The following ASPRV1 variants were observed in gnomAD, a reference collection of about 807,000 sequenced individuals.
ASPRV1 encodes retroviral-like aspartic protease 1.
In ASPRV1, 7 loss-of-function variants were observed where a neutral mutation model predicts 11.0. The observed-to-expected ratio is 0.64, with a 90% CI of 0.36 to 1.20. The LOEUF is 1.20. Ranked by LOEUF, ASPRV1 falls within the 50% of genes most tolerant of loss-of-function variation. The probability of loss-of-function intolerance (pLI) is 0.02; values close to 1 mark genes in which losing one functional copy is unlikely to be tolerated. For synonymous variants in ASPRV1, 136 were observed against 138.4 expected (o/e 0.98, Z 0.12); for missense variants, 299 against 320.0 (o/e 0.93, Z 0.50).
At chr2:70,033,336 AC>A in the ASPRV1 span, among the ~76,000 whole-genome samples, 1 of 150,898 alleles carries the variant, frequency 6.6e-6, no homozygotes, top group Non-Finnish European at 1.5e-5. Flanking sequence ...CACTCAAAAC[AC>A]TGTGTGCCCA....
the ASPRV1 span, among the ~76,000 whole-genome samples, chr2:69,945,415 A>G: frequency 1.3e-5 from 2 of 152,252 alleles, no homozygotes; most frequent in Non-Finnish European, 2.9e-5. Context: ...GCTCAGCCCA[A>G]ACTGGGTGGC....
At chr2:70,074,391 C>T in the ASPRV1 span, among the ~76,000 whole-genome samples, 7 of 150,796 alleles carry the variant, frequency 4.6e-5, no homozygotes, top group East Asian at 2.1e-4. Context: ...TGGGTTCACG[C>T]GATTCTCCTG....
the ASPRV1 span, among the ~76,000 whole-genome samples, chr2:70,010,948 G>C: frequency 6.6e-6 from 1 of 152,160 alleles, no homozygotes. Context: ...GGTATGGTAA[G>C]TACTCGATAT....
chr2:70,086,176 G>A, the ASPRV1 span: 7 of 152,180 alleles, frequency 4.6e-5, no homozygotes, highest in African/African-American at 9.7e-5. Flanking sequence ...GGAGGTGGAA[G>A]GCCCCGGGGA....
the ASPRV1 span, chr2:70,083,391 G>A: frequency 6.6e-6 from 1 of 152,214 alleles, no homozygotes; most frequent in Non-Finnish European, 1.5e-5. Context: ...TAACGTGAAA[G>A]CACTCTGAAA....
chr2:70,040,413 T>C, the ASPRV1 span, among the ~76,000 whole-genome samples: 10 of 152,274 alleles, frequency 6.6e-5, no homozygotes, highest in East Asian at 7.7e-4. Context: ...TATTTTGAGA[T>C]GGAGTCTTGC....
the ASPRV1 span, among the ~76,000 whole-genome samples, chr2:70,035,854 C>A: frequency 6.6e-6 from 1 of 151,442 alleles, no homozygotes; most frequent in Non-Finnish European, 1.5e-5. Flanking sequence ...ATAAACAAAC[C>A]TAATGACTTC....
the ASPRV1 span, among the ~76,000 whole-genome samples, chr2:70,007,576 T>C: frequency 6.6e-6 from 1 of 151,556 alleles, no homozygotes; most frequent in Non-Finnish European, 1.5e-5. Flanking sequence ...TAATAAGTAA[T>C]AAATATGAAT....
chr2:70,048,419 G>GA, the ASPRV1 span, among the ~76,000 whole-genome samples: 63 of 131,112 alleles, frequency 4.8e-4, 1 homozygote, highest in African/African-American at 6.2e-4. Context: ...TGTCTTAAAA[G>GA]AAAAAAAAAA....
the ASPRV1 span, chr2:69,937,462 T>G: frequency 1.4e-6 from 2 of 1,432,542 alleles, no homozygotes; most frequent in Non-Finnish European, 1.9e-6. Flanking sequence ...GGTTCAGTAC[T>G]GCGGACAGGA....
chr2:70,024,631 T>C, the ASPRV1 span, among the ~76,000 whole-genome samples: 1 of 152,134 alleles, frequency 6.6e-6, no homozygotes, highest in Non-Finnish European at 1.5e-5. Context: ...TCCTCACTTC[T>C]TCTCCCTCTT....
the ASPRV1 span, among the ~76,000 whole-genome samples, chr2:70,024,607 C>G: frequency 6.6e-5 from 10 of 152,108 alleles, no homozygotes; most frequent in African/African-American, 2.4e-4. Context: ...AACCCTCTTC[C>G]TCCTTCCCTC....
chr2:69,966,479 C>T (rs1191395059), upstream of ASPRV1, among the ~76,000 whole-genome samples: 2 of 152,264 alleles, frequency 1.3e-5, no homozygotes, highest in African/African-American at 4.8e-5. Flanking sequence ...CCCATCCCCT[C>T]TTCAGGGTCC....
At chr2:69,966,450 C>G (rs1413898098), upstream of ASPRV1, among the ~76,000 whole-genome samples, 1 of 152,238 alleles carries the variant, frequency 6.6e-6, no homozygotes, top group Non-Finnish European at 1.5e-5. Flanking sequence ...AGGAAAGACC[C>G]TATGCAGATT....
chr2:70,068,887 G>A, the ASPRV1 span, among the ~76,000 whole-genome samples: 1 of 143,782 alleles, frequency 7.0e-6, no homozygotes, highest in Admixed American at 7.1e-5. Flanking sequence ...GGAGGTTGCA[G>A]TGAGCAGAGA....
the ASPRV1 span, among the ~76,000 whole-genome samples, chr2:70,002,576 C>T: frequency 1.3e-5 from 2 of 152,222 alleles, no homozygotes; most frequent in African/African-American, 4.8e-5. Flanking sequence ...CTGCTAATTA[C>T]TGTAGAGTGA....
At chr2:69,971,504 T>C in the ASPRV1 span, among the ~76,000 whole-genome samples, 1 of 152,354 alleles carries the variant, frequency 6.6e-6, no homozygotes, top group East Asian at 1.9e-4. Flanking sequence ...CAGGATCGTT[T>C]TGTAAATTTC....
At chr2:69,935,363 T>C in the ASPRV1 span, 2 of 1,613,820 alleles carry the variant, frequency 1.2e-6, no homozygotes, top group African/African-American at 1.3e-5. Flanking sequence ...GGGCTCATCT[T>C]CGCTTGTGCC....
At chr2:69,964,427 G>GA, upstream of ASPRV1, 1 of 427,568 alleles carries the variant, frequency 2.3e-6, no homozygotes, top group South Asian at 1.7e-5. Context: ...TCTGTCTCTG[G>GA]CTAGGATCAG....
Sources: allele counts gnomAD v4.1 joint callset (sites outside exome capture counted in the v4.1 genomes callset), GRCh38; gene constraint gnomAD v4.1.1; transcripts MANE v1.5; gene names NCBI Gene and HGNC (gene_info 2026-07-23, HGNC 2026-07-21).